Variants in EBPL observed in about 807,000 individuals in gnomAD.
EBPL encodes the protein EBP like, also known as emopamil-binding protein-like.
EBPL carries 20 observed loss-of-function variants against 19.0 expected under a neutral mutation model. The observed-to-expected ratio is 1.05, with a 90% CI of 0.74 to 1.53. EBPL has a LOEUF of 1.53. Among genes scored for constraint, EBPL ranks in the 40% most tolerant of loss-of-function variants. The pLI is 0.00. For missense variants in EBPL, 219 were observed against 261.1 expected, an observed-to-expected ratio of 0.84 and a Z score of 1.11; for synonymous variants, 107 against 117.0, an observed-to-expected ratio of 0.91 and a Z score of 0.55.
intron 1 of EBPL, among the ~76,000 whole-genome samples, chr13:49,681,282 T>C (rs1953940070): frequency 6.7e-6 from 1 of 149,390 alleles, no homozygotes; most frequent in Admixed American, 6.8e-5. Context: ...TCTTAAGATG[T>C]CCCAGGCATG....
At chr13:49,672,733 C>T (rs191029574) in intron 1 of EBPL, among the ~76,000 whole-genome samples, 2 of 152,296 alleles carry the variant, frequency 1.3e-5, no homozygotes, top group African/African-American at 2.4e-5. Context: ...ACCTTCAAGC[C>T]ACAGTGAGGT....
At position 49,691,339 on chromosome 13, in the gene EBPL, C is replaced by G; in HGVS notation, c.86G>C (p.Gly29Ala). Residue 29 changes from glycine to alanine, a missense_variant, in exon 1 of 4, where the codon GGC (glycine) becomes GCC (alanine). This residue lies in a region of EBPL where 170 missense variants were observed against 167.0 expected (regional missense o/e 1.02). Coordinates refer to ENST00000242827, the MANE Select transcript of EBPL (RefSeq NM_032565.5). Reference protein sequence around the residue: ...AALLAAGCALGLRLGRGQGAA... With the variant: ...AALLAAGCALALRLGRGQGAA... The stretch of plus-strand genomic sequence containing the variant: ...CCCCTGCCCGCGGCCCAGGCGCAGG[C>G]CCAGGGCGCAGCCCGCCGCCAGCAG... 7.3e-7 allele frequency: 1 copy of G among 1,367,412 alleles called. No individual in the cohort carries two copies. The highest frequency in any genetic ancestry group is 9.5e-7 in the Non-Finnish European group (1 of 1,055,444). The allele number at this position is 1,367,412 out of a possible 1,614,324, so 84.7% of individuals were successfully genotyped here.
intron 1 of EBPL, among the ~76,000 whole-genome samples, chr13:49,682,397 C>T (rs541107776): frequency 6.6e-6 from 1 of 152,354 alleles, no homozygotes; most frequent in East Asian, 1.9e-4. Flanking sequence ...TGGACATATA[C>T]ATCATCACTT....
chr13:49,679,860 A>T (rs1361107454), intron 1 of EBPL, among the ~76,000 whole-genome samples: 1 of 151,012 alleles, frequency 6.6e-6, no homozygotes, highest in Non-Finnish European at 1.5e-5. Context: ...AAATTTCCTA[A>T]CCAAGAAAAA....
intron 2 of EBPL, among the ~76,000 whole-genome samples, chr13:49,663,930 AAAAAAAAC>A (rs1438932063): frequency 3.4e-5 from 5 of 145,576 alleles, no homozygotes; most frequent in African/African-American, 1.3e-4. Flanking sequence ...GTCTCAAAAA[AAAAAAAAC>A]AAAAAAACAA....
chr13:49,684,945 G>A (rs540323137), intron 1 of EBPL, among the ~76,000 whole-genome samples: 4 of 152,080 alleles, frequency 2.6e-5, no homozygotes, highest in South Asian at 4.1e-4. Flanking sequence ...TTGCTCTGTC[G>A]CCCAGGCTGG....
Position 49,691,326 on chromosome 13 carries a change from G to T in EBPL, c.99C>A (p.Gly33=). The change falls in exon 1 of 4, where the codon GGC becomes GGA. Residue 33 remains glycine (G), a synonymous_variant. Coordinates refer to ENST00000242827, the MANE Select transcript of EBPL (RefSeq NM_032565.5). The stretch of plus-strand genomic sequence containing the variant: ...CGCGGTCCGCCGCCCCCTGCCCGCG[G>T]CCCAGGCGCAGGCCCAGGGCGCAGC... ...AAGCALGLRL[G]RGQGAADRGA... 1 of 1,367,882 alleles carries T rather than the reference G, an allele frequency of 7.3e-7. No individual in the cohort carries two copies. Among genetic ancestry groups the T allele is most frequent in the Non-Finnish European group, 9.5e-7 (1 of 1,056,428 alleles). The allele number at this position is 1,367,882 out of a possible 1,614,324, so 84.7% of individuals were successfully genotyped here.
intron 1 of EBPL, among the ~76,000 whole-genome samples, chr13:49,677,422 CTG>C (rs1230310044): frequency 1.3e-5 from 2 of 152,182 alleles, no homozygotes; most frequent in Non-Finnish European, 2.9e-5. Context: ...TCTGAACATT[CTG>C]TGATTCTGAG....
At chr13:49,674,977 T>G (rs2137497452) in intron 1 of EBPL, among the ~76,000 whole-genome samples, 1 of 152,366 alleles carries the variant, frequency 6.6e-6, no homozygotes, top group Non-Finnish European at 1.5e-5. Context: ...ATTCTCCATT[T>G]CTTCCCTCTC....
chr13:49,666,451 C>T (rs1965228532), intron 2 of EBPL, among the ~76,000 whole-genome samples: 1 of 152,106 alleles, frequency 6.6e-6, no homozygotes, highest in Non-Finnish European at 1.5e-5. Flanking sequence ...TGGCTCACAC[C>T]TGTAATCCCA....
At chr13:49,686,031 G>A (rs1535544) in intron 1 of EBPL, among the ~76,000 whole-genome samples, 90,140 of 151,988 alleles carry the variant, frequency 0.59, 27,035 homozygotes, top group East Asian at 0.7. Context: ...CAGGTGTTAG[G>A]TGGGATGCAT....
intron 1 of EBPL, among the ~76,000 whole-genome samples, chr13:49,685,749 T>A (rs1953989660): frequency 6.6e-6 from 1 of 152,036 alleles, no homozygotes; most frequent in Non-Finnish European, 1.5e-5. Flanking sequence ...GGCACGTGCC[T>A]GTAGTACCAG....
At chr13:49,688,941 T>G (rs1298283531) in intron 1 of EBPL, among the ~76,000 whole-genome samples, 1 of 152,182 alleles carries the variant, frequency 6.6e-6, no homozygotes, top group African/African-American at 2.4e-5. Context: ...TCCCCACTGA[T>G]CTCTGAGACA....
chr13:49,690,474 T>A (rs925880914), intron 1 of EBPL, among the ~76,000 whole-genome samples: 1 of 145,920 alleles, frequency 6.9e-6, no homozygotes, highest in Non-Finnish European at 1.5e-5. Context: ...AACTTAAAAG[T>A]GTGTGTGTGT....
rs745617704 is a variant in EBPL at position 49,661,208 on chromosome 13, C to T, written c.381G>A (p.Arg127=). 2 of 1,608,382 alleles carry T rather than the reference C, an allele frequency of 1.2e-6. No individual in the cohort carries two copies. The highest frequency in any genetic ancestry group is 1.1e-5 in the South Asian group (1 of 90,026). The part of the protein sequence containing the change: ...IYAIVKEKYY[R]HFLQITLCVC... ...CGCACAGGGTGATCTGCAGGAAATG[C>T]CTGTTGGAGAGAAAGAAGCCCGGGA... The change falls in exon 4 of 4, where the codon CGG becomes CGA. Residue 127 remains arginine (R), a splice_region_variant and synonymous_variant. Coordinates refer to ENST00000242827, the MANE Select transcript of EBPL (RefSeq NM_032565.5).
chr13:49,687,221 G>A (rs146839159), intron 1 of EBPL, among the ~76,000 whole-genome samples: 81 of 152,266 alleles, frequency 5.3e-4, no homozygotes, highest in African/African-American at 1.9e-3. Context: ...CCAAGATCAT[G>A]TCCACCCCCA....
In EBPL at chr13:49,691,396, T is replaced by C; in HGVS notation, c.29A>G (p.Glu10Gly). MGAEWELGAEAGGSLLLCAA... is the reference protein window; with the variant it reads MGAEWELGAGAGGSLLLCAA... ...GCACAGCAGCAGCGAACCGCCAGCCTCGGCCCCCAGCTCCCACTCAGCGCC... is the reference window on the plus strand; with the variant it reads ...GCACAGCAGCAGCGAACCGCCAGCCCCGGCCCCCAGCTCCCACTCAGCGCC... The change falls in exon 1 of 4, where the codon GAG becomes GGG. Residue 10 changes from glutamate (E) to glycine (G), a missense_variant. By Grantham distance (98) the Glu-to-Gly change is moderately conservative (BLOSUM62 -2). Around this residue, in one of 2 missense-constraint regions of EBPL, gnomAD observed 170 missense variants for 167.0 expected, o/e 1.02. Transcript: ENST00000242827. 1 of 1,365,448 alleles carries C rather than the reference T, an allele frequency of 7.3e-7. No individual in the cohort carries two copies. Among genetic ancestry groups the C allele is most frequent in the Non-Finnish European group, 9.5e-7 (1 of 1,055,786 alleles). 84.6% of individuals were successfully genotyped at this position (1,365,448 alleles called of 1,614,324 possible). A position where few individuals can be genotyped will look rare whatever the true frequency, so the allele number is the denominator to read the frequency against.
intron 2 of EBPL, among the ~76,000 whole-genome samples, chr13:49,664,125 G>A (rs1471216622): frequency 6.6e-6 from 1 of 151,812 alleles, no homozygotes; most frequent in Admixed American, 6.6e-5. Context: ...GGTGGCGCAT[G>A]CCTGTAATCT....
intron 1 of EBPL, among the ~76,000 whole-genome samples, chr13:49,678,561 C>T (rs1953905649): frequency 6.6e-6 from 1 of 152,192 alleles, no homozygotes; most frequent in South Asian, 2.1e-4. Context: ...GGGTGCTAAG[C>T]CCCTCCTTAA....
Sources: gnomAD v4.1 joint callset for allele counts (sites outside exome capture counted in the v4.1 genomes callset) on GRCh38, gnomAD v4.1.1 for gene constraint, gnomAD v4.1.1 regional missense constraint, MANE v1.5 for transcripts, NCBI Gene and HGNC (gene_info 2026-07-23, HGNC 2026-07-21) for gene names.